LRRTM4: variants seen among roughly 807,000 people sequenced by gnomAD.
LRRTM4 encodes the protein leucine-rich repeat transmembrane neuronal protein 4.
A neutral mutation model predicts 47.6 loss-of-function variants in LRRTM4; 25 were observed. The observed-to-expected ratio is 0.53, with a 90% confidence interval of 0.38 to 0.73. The LOEUF is 0.73. Among genes scored for constraint, LRRTM4 ranks in the 30% least tolerant of loss-of-function variants. LRRTM4 has a pLI of 0.00. For missense variants in LRRTM4, 638 were observed against 713.4 expected, an observed-to-expected ratio of 0.89 and a Z score of 1.20; for synonymous variants, 311 against 269.5, an observed-to-expected ratio of 1.15 and a Z score of -1.51.
At chr2:77,247,009 T>C (rs985071987) in intron 3 of LRRTM4, among the ~76,000 whole-genome samples, 1 of 152,186 alleles carries the variant, frequency 6.6e-6, no homozygotes, top group South Asian at 2.1e-4. Context: ...CACCCATAAA[T>C]TACTATTTTT....
intron 3 of LRRTM4, among the ~76,000 whole-genome samples, chr2:76,841,828 C>G (rs1671693067): frequency 6.6e-6 from 1 of 151,912 alleles, no homozygotes; most frequent in Non-Finnish European, 1.5e-5. Context: ...AACTGAAGAA[C>G]TAAAGATTTT....
intron 3 of LRRTM4, among the ~76,000 whole-genome samples, chr2:77,135,326 TA>T (rs1370941931): frequency 1.3e-5 from 2 of 152,214 alleles, no homozygotes; most frequent in Non-Finnish European, 2.9e-5. Flanking sequence ...TTCATTATGT[TA>T]AATGGCACAT....
chr2:76,979,924 C>T lies in LRRTM4; in HGVS notation c.1552-231008G>A, dbSNP rs538880739. ...TTCTTCTGGAAATAAACTCTCTGATCCAAATTACCCCACACTGCATCCAAA... is the reference window on the plus strand; with the variant it reads ...TTCTTCTGGAAATAAACTCTCTGATTCAAATTACCCCACACTGCATCCAAA... On this transcript the variant is annotated intron_variant, in intron 3 of 3. Coordinates refer to ENST00000409884, the MANE Select transcript of LRRTM4 (RefSeq NM_001134745.3). 5.9e-5 allele frequency among the ~76,000 whole-genome samples: 9 copies of T among 152,064 alleles called. No homozygotes were observed. In the South Asian group the frequency reaches 1.9e-3, roughly 32 times the overall value.
intron 3 of LRRTM4, among the ~76,000 whole-genome samples, chr2:76,749,828 A>G (rs1030205073): frequency 2.0e-5 from 3 of 152,238 alleles, no homozygotes; most frequent in Admixed American, 1.3e-4. Flanking sequence ...TTCTCATGCT[A>G]GAATATTTCT....
chr2:76,859,064 C>T (rs1672238291), intron 3 of LRRTM4, among the ~76,000 whole-genome samples: 1 of 152,176 alleles, frequency 6.6e-6, no homozygotes, highest in South Asian at 2.1e-4. Context: ...ATTGAATTCA[C>T]ATTTAAAACA....
chr2:77,495,944 C>T (rs1678347980), intron 3 of LRRTM4, among the ~76,000 whole-genome samples: 3 of 151,856 alleles, frequency 2.0e-5, no homozygotes, highest in Admixed American at 6.6e-5. Flanking sequence ...TGGTTAAGGT[C>T]ATGTTGAATC....
intron 3 of LRRTM4, among the ~76,000 whole-genome samples, chr2:77,066,639 A>T (rs538220452): frequency 1.3e-5 from 2 of 152,344 alleles, no homozygotes; most frequent in African/African-American, 4.8e-5. Flanking sequence ...ATTGTCACAG[A>T]GGAGCTTACT....
intron 3 of LRRTM4, among the ~76,000 whole-genome samples, chr2:76,908,926 A>G (rs1027662146): frequency 2.6e-5 from 4 of 152,196 alleles, no homozygotes; most frequent in African/African-American, 7.2e-5. Context: ...GCCCAAGGTA[A>G]TTGATAGATT....
rs6716853 is a variant in LRRTM4, at chr2:77,228,644, G to A, written c.1551+289674C>T. 5.1e-3 allele frequency among the ~76,000 whole-genome samples: 773 copies of A among 152,266 alleles called. 6 individuals are homozygous for A. Among genetic ancestry groups the A allele is most frequent in the African/African-American group, 0.018 (738 of 41,564 alleles). On this transcript the variant is annotated intron_variant, in intron 3 of 3. Transcript: ENST00000409884. ...ACAGATCACTCCAGGGAAAAAGCTGGTGCTACTTCCAACCATTAAAGCTGA... is the reference window on the plus strand; with the variant it reads ...ACAGATCACTCCAGGGAAAAAGCTGATGCTACTTCCAACCATTAAAGCTGA...
intron 3 of LRRTM4, among the ~76,000 whole-genome samples, chr2:76,750,589 T>G (rs1282221109): frequency 6.6e-6 from 1 of 152,212 alleles, no homozygotes; most frequent in African/African-American, 2.4e-5. Context: ...TTGTTTTGAT[T>G]TTATAATTTA....
At chr2:77,204,621 A>G (rs1674069575) in intron 3 of LRRTM4, among the ~76,000 whole-genome samples, 5 of 152,164 alleles carry the variant, frequency 3.3e-5, no homozygotes, top group Admixed American at 3.3e-4. Context: ...TGAGTCAAGC[A>G]TTCCAGCTTT....
intron 3 of LRRTM4, among the ~76,000 whole-genome samples, chr2:76,938,216 CAG>C (rs1334218900): frequency 6.6e-6 from 1 of 152,030 alleles, no homozygotes; most frequent in African/African-American, 2.4e-5. Flanking sequence ...CTGCCAAGTA[CAG>C]AGAGACTCCA....
At chr2:76,831,163 T>C (rs1343467918) in intron 3 of LRRTM4, among the ~76,000 whole-genome samples, 2 of 152,228 alleles carry the variant, frequency 1.3e-5, no homozygotes, top group East Asian at 3.9e-4. Flanking sequence ...AACAATATAA[T>C]GAATTCTGAG....
At chr2:77,175,179 C>T (rs1249974100) in intron 3 of LRRTM4, among the ~76,000 whole-genome samples, 1 of 151,268 alleles carries the variant, frequency 6.6e-6, no homozygotes, top group East Asian at 2.0e-4. Flanking sequence ...AAGCGATTCT[C>T]ATGCCTCAGC....
At chr2:76,881,554 T>C (rs1465530148) in intron 3 of LRRTM4, among the ~76,000 whole-genome samples, 1 of 151,978 alleles carries the variant, frequency 6.6e-6, no homozygotes, top group Middle Eastern at 3.2e-3. Flanking sequence ...ACTGAATTTA[T>C]GTTAATGTGA....
At chr2:77,310,725 C>T (rs912524523) in intron 3 of LRRTM4, among the ~76,000 whole-genome samples, 12 of 152,120 alleles carry the variant, frequency 7.9e-5, no homozygotes, top group Admixed American at 3.9e-4. Flanking sequence ...GCAGCTGCTG[C>T]GGGAAAGATC....
chr2:77,129,657 G>A (rs1293201104), intron 3 of LRRTM4, among the ~76,000 whole-genome samples: 1 of 152,154 alleles, frequency 6.6e-6, no homozygotes, highest in Non-Finnish European at 1.5e-5. Context: ...TGAGAAACAG[G>A]TCTCAGATGC....
chr2:76,918,526 A>G (rs918876730), intron 3 of LRRTM4, among the ~76,000 whole-genome samples: 4 of 152,208 alleles, frequency 2.6e-5, no homozygotes, highest in African/African-American at 9.7e-5. Flanking sequence ...GGCCGTATTA[A>G]TGAGGAACAT....
intron 3 of LRRTM4, among the ~76,000 whole-genome samples, chr2:77,100,876 C>A: frequency 7.7e-6 from 1 of 130,262 alleles, no homozygotes; most frequent in Non-Finnish European, 1.6e-5. Flanking sequence ...GTGACAGAGT[C>A]TTACTCTGGA....
Sources: allele counts gnomAD v4.1 joint callset (sites outside exome capture counted in the v4.1 genomes callset), GRCh38; gene constraint gnomAD v4.1.1; transcripts MANE v1.5; gene names NCBI Gene and HGNC (gene_info 2026-07-23, HGNC 2026-07-21).